Variants in CSMD1 observed in about 807,000 individuals in gnomAD.
CSMD1 encodes CUB and Sushi multiple domains 1.
In CSMD1, 213 loss-of-function variants were observed where a neutral mutation model predicts 417.5. The ratio of observed to expected loss-of-function variants is 0.51; its 90% CI spans 0.46 to 0.57. CSMD1 has a LOEUF of 0.57. CSMD1 is among the 20% of genes least tolerant of loss of function. The probability of loss-of-function intolerance (pLI) is 0.00; values close to 1 mark genes in which losing one functional copy is unlikely to be tolerated. For missense variants in CSMD1, 6,923 were observed against 4,529.7 expected, an observed-to-expected ratio of 1.53 and a Z score of -15.17; for synonymous variants, 2,862 against 1,736.8, an observed-to-expected ratio of 1.65 and a Z score of -16.11.
chr8:3,914,359 C>A lies in CSMD1; in HGVS notation c.818+83544G>T, dbSNP rs548438740. 2.0e-5 allele frequency among the ~76,000 whole-genome samples: 3 copies of A among 152,066 alleles called. No homozygotes were observed. The South Asian group carries it at 6.2e-4, about 32-fold the overall frequency. ...GAGGGTATCAGGATGTGTCCCATTA[C>A]GTTGGATAGATGTAAAAACATACGG... is the stretch of plus-strand genomic sequence containing the variant. On this transcript the variant is annotated intron_variant, in intron 5 of 69. Transcript: ENST00000635120.
At chr8:4,194,778 C>G (rs73658468) in intron 3 of CSMD1, among the ~76,000 whole-genome samples, 4,397 of 152,054 alleles carry the variant, frequency 0.029, 250 homozygotes, top group African/African-American at 0.1. Context: ...ATAAAACATT[C>G]ACAACCTTCA....
chr8:4,601,473 T>G (rs1800578302), intron 2 of CSMD1, among the ~76,000 whole-genome samples: 1 of 152,034 alleles, frequency 6.6e-6, no homozygotes, highest in East Asian at 1.9e-4. Context: ...GTTAAGTTGG[T>G]AGGACAGGTG....
chr8:3,974,319 G>T (rs538219482), intron 5 of CSMD1, among the ~76,000 whole-genome samples: 1 of 145,128 alleles, frequency 6.9e-6, no homozygotes, highest in East Asian at 1.9e-4. Context: ...TATTCCTTTT[G>T]CCCCTTAAGC....
At chr8:4,095,985 A>C (rs534657773) in intron 3 of CSMD1, among the ~76,000 whole-genome samples, 1 of 152,178 alleles carries the variant, frequency 6.6e-6, no homozygotes, top group Non-Finnish European at 1.5e-5. Flanking sequence ...CTTAACCAAA[A>C]ACCCAGAGTT....
intron 65 of CSMD1, among the ~76,000 whole-genome samples, chr8:2,952,204 A>T (rs1054191460): frequency 2.6e-5 from 4 of 152,206 alleles, no homozygotes; most frequent in African/African-American, 9.7e-5. Context: ...TAATTAGATA[A>T]GATTCATGAT....
chr8:3,500,914 T>C (rs956553467), intron 10 of CSMD1, among the ~76,000 whole-genome samples: 1 of 152,102 alleles, frequency 6.6e-6, no homozygotes, highest in Non-Finnish European at 1.5e-5. Flanking sequence ...TCAGAGAGGA[T>C]TTTTTCTTTT....
intron 2 of CSMD1, among the ~76,000 whole-genome samples, chr8:4,537,599 C>T (rs192983017): frequency 6.6e-6 from 1 of 152,246 alleles, no homozygotes; most frequent in Non-Finnish European, 1.5e-5. Context: ...GGGCTTTTCT[C>T]GGACCTACTG....
chr8:4,905,790 A>C (rs764524743), intron 1 of CSMD1, among the ~76,000 whole-genome samples: 2 of 144,462 alleles, frequency 1.4e-5, no homozygotes, highest in African/African-American at 2.6e-5. Flanking sequence ...ACTGCACTCC[A>C]GCCTGGGCCA....
intron 1 of CSMD1, among the ~76,000 whole-genome samples, chr8:4,659,253 C>T (rs988254299): frequency 1.0e-4 from 12 of 119,088 alleles, no homozygotes; most frequent in Non-Finnish European, 1.8e-4. Context: ...CAAATACCAA[C>T]ATTAAAAAAG....
intron 5 of CSMD1, among the ~76,000 whole-genome samples, chr8:3,912,238 G>C (rs1808510678): frequency 6.6e-6 from 1 of 152,156 alleles, no homozygotes. Flanking sequence ...ATAGGGGCAT[G>C]AACTTACTGG....
At chr8:4,217,671 A>C (rs968422506) in intron 3 of CSMD1, among the ~76,000 whole-genome samples, 1 of 151,482 alleles carries the variant, frequency 6.6e-6, no homozygotes, top group Non-Finnish European at 1.5e-5. Flanking sequence ...AAAAAAAAAA[A>C]TTAGGAGCTA....
intron 3 of CSMD1, among the ~76,000 whole-genome samples, chr8:4,036,545 ATATT>A (rs1223275164): frequency 6.6e-6 from 1 of 152,204 alleles, no homozygotes; most frequent in Non-Finnish European, 1.5e-5. Context: ...AATATGAAAA[ATATT>A]TATTCTGTTC....
intron 5 of CSMD1, among the ~76,000 whole-genome samples, chr8:3,818,455 T>C (rs759633913): frequency 1.2e-4 from 19 of 152,164 alleles, no homozygotes; most frequent in Non-Finnish European, 2.6e-4. Context: ...GGATCAGCTA[T>C]CCAGTGAGCT....
chr8:3,073,045 C>T (rs1813419775), intron 49 of CSMD1, among the ~76,000 whole-genome samples: 1 of 152,124 alleles, frequency 6.6e-6, no homozygotes, highest in Non-Finnish European at 1.5e-5. Flanking sequence ...TGAAATGCAA[C>T]CCTCCCAAAT....
chr8:4,284,267 C>T (rs770754629), intron 3 of CSMD1, among the ~76,000 whole-genome samples: 5 of 152,074 alleles, frequency 3.3e-5, no homozygotes, highest in Admixed American at 6.6e-5. Context: ...GCTCGCGAGG[C>T]TGAGACACAA....
chr8:3,268,287 C>CTTTTTTT lies in CSMD1; in HGVS notation c.4153+15856_4153+15857insAAAAAAA, dbSNP rs1172040830. Among the ~76,000 whole-genome samples, 326 of 114,592 alleles carry CTTTTTTT rather than the reference C, an allele frequency of 2.8e-3. 23 individuals are homozygous for CTTTTTTT. The highest frequency in any genetic ancestry group is 4.6e-3 in the East Asian group (18 of 3,904). 75.2% of individuals were successfully genotyped at this position (114,592 alleles called of 152,430 possible). On this transcript the variant is annotated intron_variant, in intron 26 of 69. Transcript: ENST00000635120. ...AGGGTGTGGTCAGATGGTTCATTTC[C>CTTTTTTT]TATTTTTTTTTTTTTTTTTTTTTTT...
At chr8:3,709,315 T>A (rs1048034899) in intron 6 of CSMD1, among the ~76,000 whole-genome samples, 2 of 152,122 alleles carry the variant, frequency 1.3e-5, no homozygotes, top group Non-Finnish European at 2.9e-5. Context: ...CTACAGCAGC[T>A]GCGAGCAGGC....
intron 7 of CSMD1, among the ~76,000 whole-genome samples, chr8:3,669,705 C>A (rs960742042): frequency 6.6e-6 from 1 of 152,028 alleles, no homozygotes; most frequent in Non-Finnish European, 1.5e-5. Context: ...ATGCTAGGAA[C>A]TGGGTACAAA....
At position 4,035,794 on chromosome 8, in the gene CSMD1, A is replaced by T. The variant is rs187584736; in HGVS notation, c.416-3695T>A. ...ATACTAAGCTTAATTTATGATTAAA[A>T]AAGAAAAATGTGTTTTTATACATTT... On this transcript the variant is annotated intron_variant, in intron 3 of 69. Transcript: ENST00000635120. Among the ~76,000 whole-genome samples the T allele has an allele frequency of 8.9e-4, 135 of 152,320 alleles. 2 individuals carry two copies. The highest frequency in any genetic ancestry group is 3.2e-3 in the African/African-American group (133 of 41,574).
Sources: gnomAD v4.1 joint callset for allele counts (sites outside exome capture counted in the v4.1 genomes callset) on GRCh38, gnomAD v4.1.1 for gene constraint, MANE v1.5 for transcripts, NCBI Gene and HGNC (gene_info 2026-07-23, HGNC 2026-07-21) for gene names.